The following KIZ variants were observed in gnomAD, a reference collection of about 807,000 sequenced individuals.
KIZ encodes the protein centrosomal protein kizuna.
A neutral mutation model predicts 79.6 loss-of-function variants in KIZ; 68 were observed. The ratio of observed to expected loss-of-function variants is 0.85; its 90% CI spans 0.70 to 1.05. The LOEUF (loss-of-function observed/expected upper bound fraction) is 1.05, where lower values mean the gene tolerates loss of function less well. KIZ is among the 50% of genes least tolerant of loss of function. The pLI is 0.00. For missense variants in KIZ, 797 were observed against 800.4 expected, an observed-to-expected ratio of 1.00 and a Z score of 0.05; for synonymous variants, 280 against 281.8, an observed-to-expected ratio of 0.99 and a Z score of 0.06.
intron 6 of KIZ, among the ~76,000 whole-genome samples, chr20:21,199,139 T>C (rs1003834546): frequency 6.6e-6 from 1 of 152,232 alleles, no homozygotes; most frequent in Non-Finnish European, 1.5e-5. Flanking sequence ...TAATCTAGGC[T>C]GCCCAACTGT....
chr20:21,203,363 TC>T (rs2035672223), intron 6 of KIZ, among the ~76,000 whole-genome samples: 1 of 152,304 alleles, frequency 6.6e-6, no homozygotes, highest in South Asian at 2.1e-4. Context: ...GTGATTAAGT[TC>T]CAGGCCAGTT....
chr20:21,224,844 A>C (rs769210274), intron 9 of KIZ, among the ~76,000 whole-genome samples: 1 of 152,232 alleles, frequency 6.6e-6, no homozygotes, highest in Non-Finnish European at 1.5e-5. Flanking sequence ...GTACATTTGC[A>C]TATAAAAGAG....
intron 6 of KIZ, among the ~76,000 whole-genome samples, chr20:21,180,807 C>T (rs1175064851): frequency 2.0e-5 from 3 of 152,144 alleles, no homozygotes; most frequent in Non-Finnish European, 4.4e-5. Flanking sequence ...AGTTCTAGCC[C>T]AAGCTCCAGA....
intron 7 of KIZ, chr20:21,213,456 A>G (rs2036157450): frequency 6.6e-6 from 1 of 152,168 alleles, no homozygotes; most frequent in Admixed American, 6.5e-5. Flanking sequence ...TCTGCTCTTT[A>G]TATTAATTTT....
intron 6 of KIZ, among the ~76,000 whole-genome samples, chr20:21,169,264 C>A (rs578038266): frequency 6.3e-4 from 96 of 152,180 alleles, no homozygotes; most frequent in African/African-American, 2.1e-3. Flanking sequence ...AAAAAGTGGG[C>A]AAAGGATATG....
At chr20:21,192,908 A>G (rs1485744289) in intron 6 of KIZ, among the ~76,000 whole-genome samples, 1 of 152,220 alleles carries the variant, frequency 6.6e-6, no homozygotes, top group South Asian at 2.1e-4. Context: ...ATGTGTTGAC[A>G]GCCTTAGTCC....
chr20:21,219,601 A>G (rs994246472), intron 9 of KIZ, among the ~76,000 whole-genome samples: 5 of 152,208 alleles, frequency 3.3e-5, no homozygotes, highest in Non-Finnish European at 4.4e-5. Context: ...TATAGGCATG[A>G]GCCACCTTGC....
At position 21,162,951 on chromosome 20, in the gene KIZ, A is replaced by G. The variant is rs1284946192; in HGVS notation, c.1144A>G (p.Ile382Val). ...CACCAGCAGTGACCTTACCATTTCA[A>G]TAAGTGAAGATGATCTGATTTTAGA... is the stretch of plus-strand genomic sequence containing the variant. Reference protein sequence around the residue: ...WSTSSDLTISISEDDLILESP... With the variant: ...WSTSSDLTISVSEDDLILESP... The change falls in exon 6 of 13, where the codon ATA (isoleucine) becomes GTA (valine). Residue 382 changes from isoleucine (I) to valine (V), a missense_variant. Ile to Val is a conservative substitution (Grantham distance 29). Transcript: ENST00000619189. 6.2e-6 allele frequency: 10 copies of G among 1,613,726 alleles called. No individual in the cohort carries two copies. The highest frequency in any genetic ancestry group is 8.5e-6 in the Non-Finnish European group (10 of 1,179,812).
At chr20:21,226,604 T>A (rs2036663421) in intron 9 of KIZ, among the ~76,000 whole-genome samples, 1 of 152,216 alleles carries the variant, frequency 6.6e-6, no homozygotes, top group African/African-American at 2.4e-5. Context: ...CTAGGCGCTC[T>A]GCCCTCTCCC....
intron 4 of KIZ, among the ~76,000 whole-genome samples, chr20:21,156,589 G>T (rs2033393639): frequency 6.6e-6 from 1 of 152,198 alleles, no homozygotes; most frequent in South Asian, 2.1e-4. Context: ...AAATGACTTT[G>T]TTACTGGCTT....
chr20:21,136,351 G>A, intron 2 of KIZ, 39 bp from the exon 3 acceptor site: 1 of 1,171,828 alleles, frequency 8.5e-7, no homozygotes, highest in Admixed American at 2.4e-5. Context: ...ATTCGTCCAA[G>A]TCTAGTCCAT....
At chr20:21,224,779 C>A (rs747060103) in intron 9 of KIZ, among the ~76,000 whole-genome samples, 13 of 152,128 alleles carry the variant, frequency 8.5e-5, no homozygotes, top group Non-Finnish European at 1.5e-4. Flanking sequence ...GTTAAAAGCA[C>A]TTGTTCATCA....
chr20:21,232,664 C>T (rs1403006494), intron 10 of KIZ, 70 bp from the exon 11 acceptor site: 3 of 775,436 alleles, frequency 3.9e-6, no homozygotes, highest in Non-Finnish European at 6.8e-6. Context: ...ACTGTGAGGC[C>T]ACTTTATTCA....
chr20:21,153,101 G>T (rs2033199883), intron 4 of KIZ, among the ~76,000 whole-genome samples: 1 of 152,140 alleles, frequency 6.6e-6, no homozygotes, highest in South Asian at 2.1e-4. Flanking sequence ...GCTCAACCTG[G>T]CTAAGTCTCA....
At chr20:21,133,922 T>A (rs913537047) in intron 2 of KIZ, among the ~76,000 whole-genome samples, 2 of 152,240 alleles carry the variant, frequency 1.3e-5, no homozygotes, top group Non-Finnish European at 2.9e-5. Flanking sequence ...GCTGTATTCC[T>A]ACCGGTTTCT....
intron 5 of KIZ, 134 bp downstream of exon 5, chr20:21,162,641 A>C (rs1246417406): frequency 1.3e-6 from 1 of 795,440 alleles, no homozygotes; most frequent in South Asian, 1.9e-5. Flanking sequence ...ATGAACTCTT[A>C]AATATGTACA....
At chr20:21,137,900 A>C (rs2032290291) in intron 3 of KIZ, among the ~76,000 whole-genome samples, 1 of 152,118 alleles carries the variant, frequency 6.6e-6, no homozygotes, top group Admixed American at 6.5e-5. Flanking sequence ...CCTCAGCCTC[A>C]AGCTGGGACT....
chr20:21,142,390 A>G (rs1473394286), intron 3 of KIZ, among the ~76,000 whole-genome samples: 1 of 152,096 alleles, frequency 6.6e-6, no homozygotes, highest in Non-Finnish European at 1.5e-5. Flanking sequence ...ATAAGCACTC[A>G]GTAAGCATTG....
chr20:21,244,475 C>T (rs2037324104), intron 12 of KIZ, 187 bp downstream of exon 12: 1 of 600,992 alleles, frequency 1.7e-6, no homozygotes, highest in Non-Finnish European at 3.0e-6. Context: ...CAGACAGGAC[C>T]ACACGGGTGC....
Sources: gnomAD v4.1 joint callset for allele counts (sites outside exome capture counted in the v4.1 genomes callset) on GRCh38, gnomAD v4.1.1 for gene constraint, MANE v1.5 for transcripts, NCBI Gene and HGNC (gene_info 2026-07-23, HGNC 2026-07-21) for gene names.